Variants in NTRK3 observed in about 807,000 individuals in gnomAD.
NTRK3 encodes NT-3 growth factor receptor.
Under a neutral mutation model 91.7 loss-of-function variants are expected in NTRK3, and 24 were observed. The ratio of observed to expected loss-of-function variants is 0.26; its 90% CI spans 0.19 to 0.37. NTRK3 has a LOEUF of 0.37. Ranked by LOEUF, NTRK3 falls within the 10% of genes least tolerant of loss-of-function variation. The probability of loss-of-function intolerance (pLI) is 1.00; values close to 1 mark genes in which losing one functional copy is unlikely to be tolerated. For missense variants in NTRK3, 880 were observed against 1,068.9 expected (o/e 0.82, Z 2.46); for synonymous variants, 483 against 404.0 (o/e 1.20, Z -2.34).
chr15:87,896,694 A>G (rs1160102102), intron 17 of NTRK3, among the ~76,000 whole-genome samples: 1 of 152,126 alleles, frequency 6.6e-6, no homozygotes, highest in African/African-American at 2.4e-5. Context: ...TCTGATCTAC[A>G]ATACATGAGT....
intron 3 of NTRK3, chr15:88,209,982 G>T (rs2049103903): frequency 5.3e-5 from 8 of 152,248 alleles, no homozygotes. Context: ...ACTCTATCTT[G>T]CCAGCCAATG....
At chr15:87,984,287 G>C (rs760696983) in intron 14 of NTRK3, among the ~76,000 whole-genome samples, 5 of 152,240 alleles carry the variant, frequency 3.3e-5, no homozygotes, top group Non-Finnish European at 7.3e-5. Context: ...TCTTGGTGAA[G>C]AAAGGATTCC....
At chr15:88,221,348 G>C (rs2050219461) in intron 3 of NTRK3, among the ~76,000 whole-genome samples, 1 of 152,134 alleles carries the variant, frequency 6.6e-6, no homozygotes, top group African/African-American at 2.4e-5. Flanking sequence ...TTAGGTATTT[G>C]CTGATGTCAT....
Position 88,113,596 on chromosome 15 carries a change from A to G in NTRK3, c.1396+12675T>C, listed in dbSNP as rs575770656. Among the ~76,000 whole-genome samples the G allele has an allele frequency of 9.8e-5, 15 of 152,304 alleles. No individual in the cohort carries two copies. In the South Asian group the frequency reaches 3.1e-3, roughly 32 times the overall value. ...CTCCCAAAGTGCTGGGATTATAGGC[A>G]TGAGCCACCACAGCTGGTCTAACTT... On this transcript the variant is annotated intron_variant, in intron 13 of 18. Transcript: ENST00000394480.
chr15:87,912,976 T>G (rs1397528162), intron 17 of NTRK3, among the ~76,000 whole-genome samples: 1 of 70,762 alleles, frequency 1.4e-5, no homozygotes, highest in Non-Finnish European at 3.6e-5. Flanking sequence ...ATATATATGC[T>G]TCAAGATCCT....
intron 14 of NTRK3, among the ~76,000 whole-genome samples, chr15:88,032,323 C>T (rs1312347840): frequency 2.6e-5 from 4 of 152,080 alleles, no homozygotes; most frequent in Admixed American, 6.6e-5. Context: ...GAGACATCTG[C>T]AGTGGGGAGG....
At chr15:88,165,568 C>T (rs940278886) in intron 5 of NTRK3, among the ~76,000 whole-genome samples, 2 of 152,152 alleles carry the variant, frequency 1.3e-5, no homozygotes, top group Non-Finnish European at 2.9e-5. Flanking sequence ...GAAATCATTT[C>T]CTGAGAAATC....
intron 6 of NTRK3, 67 bp from the exon 7 acceptor site, chr15:88,137,628 A>G (rs2042001635): frequency 4.5e-6 from 7 of 1,566,668 alleles, no homozygotes; most frequent in Non-Finnish European, 6.1e-6. Context: ...TCCCAGGGCT[A>G]TGAGGACAAG....
chr15:88,141,834 T>G (rs1054606234), intron 6 of NTRK3, among the ~76,000 whole-genome samples: 1 of 152,214 alleles, frequency 6.6e-6, no homozygotes, highest in Non-Finnish European at 1.5e-5. Context: ...AAAGGCTTTG[T>G]ACAAATTTTC....
At chr15:87,959,797 C>G (rs978995890) in intron 14 of NTRK3, among the ~76,000 whole-genome samples, 8 of 152,172 alleles carry the variant, frequency 5.3e-5, no homozygotes, top group Non-Finnish European at 8.8e-5. Flanking sequence ...TTTGTAGGCT[C>G]TGTGACTCTC....
chr15:88,236,859 G>A (rs2051832013), intron 3 of NTRK3, among the ~76,000 whole-genome samples: 1 of 152,054 alleles, frequency 6.6e-6, no homozygotes, highest in Admixed American at 6.5e-5. Context: ...CTCCCCCTGG[G>A]GAGGCAATGG....
intron 5 of NTRK3, among the ~76,000 whole-genome samples, chr15:88,179,246 A>T (rs1419871294): frequency 6.6e-6 from 1 of 152,230 alleles, no homozygotes; most frequent in Non-Finnish European, 1.5e-5. Context: ...AAACATAGTA[A>T]TGACTAGCAA....
At chr15:87,955,498 T>G (rs2071562934) in intron 14 of NTRK3, among the ~76,000 whole-genome samples, 1 of 152,194 alleles carries the variant, frequency 6.6e-6, no homozygotes, top group Non-Finnish European at 1.5e-5. Flanking sequence ...TCACAGCAGG[T>G]GGAAGGCACA....
At chr15:87,945,302 T>C (rs963325763) in intron 14 of NTRK3, among the ~76,000 whole-genome samples, 5 of 152,202 alleles carry the variant, frequency 3.3e-5, no homozygotes, top group African/African-American at 1.2e-4. Flanking sequence ...CTGTAGATCT[T>C]CTTGTTCCCA....
intron 5 of NTRK3, among the ~76,000 whole-genome samples, chr15:88,158,826 C>T (rs1009749564): frequency 3.3e-5 from 5 of 152,030 alleles, no homozygotes; most frequent in Non-Finnish European, 7.4e-5. Context: ...CCCAGAGAGG[C>T]GCCAGCACAT....
exon 19 of NTRK3, chr15:87,874,300 T>A (rs2064895236): frequency 2.1e-5 from 1 of 47,590 alleles, no homozygotes; most frequent in African/African-American, 1.2e-4. Flanking sequence ...TCTCTGGCAC[T>A]CTTCCACAGC....
chr15:88,023,075 T>G (rs1378232145), intron 14 of NTRK3, among the ~76,000 whole-genome samples: 8 of 152,078 alleles, frequency 5.3e-5, no homozygotes, highest in Admixed American at 5.2e-4. Context: ...CTTCCAGGAA[T>G]GGGGGAAAAA....
chr15:87,974,479 T>C (rs2073543447), intron 14 of NTRK3, among the ~76,000 whole-genome samples: 1 of 151,888 alleles, frequency 6.6e-6, no homozygotes, highest in Admixed American at 6.5e-5. Flanking sequence ...CTGGGCAGCC[T>C]AACCTGATAT....
intron 13 of NTRK3, among the ~76,000 whole-genome samples, chr15:88,069,134 C>A (rs1163665212): frequency 1.3e-5 from 2 of 152,122 alleles, no homozygotes; most frequent in Non-Finnish European, 2.9e-5. Context: ...AAACTTCAGT[C>A]CCACTCTCAA....
Sources: allele counts gnomAD v4.1 joint callset (sites outside exome capture counted in the v4.1 genomes callset), GRCh38; gene constraint gnomAD v4.1.1; transcripts MANE v1.5; gene names NCBI Gene and HGNC (gene_info 2026-07-23, HGNC 2026-07-21).